Variants in PGM2L1 observed in about 807,000 individuals in gnomAD.
PGM2L1 encodes glucose 1,6-bisphosphate synthase.
Under a neutral mutation model 73.4 loss-of-function variants are expected in PGM2L1, and 35 were observed. The ratio of observed to expected loss-of-function variants is 0.48; its 90% CI spans 0.36 to 0.63. PGM2L1 has a LOEUF of 0.63. Among genes scored for constraint, PGM2L1 ranks in the 30% least tolerant of loss-of-function variants. PGM2L1 has a pLI of 0.00. For synonymous variants in PGM2L1, 225 were observed against 253.8 expected (o/e 0.89, Z 1.08); for missense variants, 570 against 742.0 (o/e 0.77, Z 2.69).
At chr11:74,377,035 C>T (rs1253661518) in intron 1 of PGM2L1, among the ~76,000 whole-genome samples, 1 of 151,902 alleles carries the variant, frequency 6.6e-6, no homozygotes, top group Non-Finnish European at 1.5e-5. Flanking sequence ...GATGAACTTA[C>T]ATTTGTATTT....
At chr11:74,396,310 T>C (rs1232214635) in intron 1 of PGM2L1, among the ~76,000 whole-genome samples, 4 of 148,806 alleles carry the variant, frequency 2.7e-5, no homozygotes, top group Non-Finnish European at 5.9e-5. Flanking sequence ...TTAGGAAAAG[T>C]ACAGTTAAAA....
chr11:74,355,318 C>A (rs1862426552), intron 5 of PGM2L1: 6 of 774,288 alleles, frequency 7.7e-6, no homozygotes, highest in Non-Finnish European at 1.4e-5. Flanking sequence ...CTTTGGGAGG[C>A]TGAGGTGGGT....
At chr11:74,360,316 G>C (rs1862538709) in intron 5 of PGM2L1, among the ~76,000 whole-genome samples, 1 of 151,682 alleles carries the variant, frequency 6.6e-6, no homozygotes, top group Non-Finnish European at 1.5e-5. Context: ...TAGGGACGGA[G>C]GGAGGGAGGT....
chr11:74,364,316 GCT>G (rs1341327285), intron 5 of PGM2L1, among the ~76,000 whole-genome samples: 3 of 152,194 alleles, frequency 2.0e-5, no homozygotes, highest in Non-Finnish European at 2.9e-5. Flanking sequence ...AGACAGGGAT[GCT>G]CTCTCTCACC....
Position 74,335,848 on chromosome 11 carries a change from G to C in PGM2L1, c.*804C>G, listed in dbSNP as rs559021843. 6.5e-6 allele frequency: 1 copy of C among 152,730 alleles called. No individual in the cohort carries two copies. Among genetic ancestry groups the C allele is most frequent in the East Asian group, 1.9e-4 (1 of 5,188 alleles). 9.5% of individuals were successfully genotyped at this position (152,730 alleles called of 1,614,324 possible). On this transcript the variant is annotated 3_prime_UTR_variant, in exon 14 of 14. Coordinates refer to ENST00000298198, the MANE Select transcript of PGM2L1 (RefSeq NM_173582.6). ...ACTTGATATAGAGGAAGCACCTACAGATTTTGGAAGATTTTCCTTAGCTAT... is the reference window on the plus strand; with the variant it reads ...ACTTGATATAGAGGAAGCACCTACACATTTTGGAAGATTTTCCTTAGCTAT...
intron 5 of PGM2L1, among the ~76,000 whole-genome samples, chr11:74,365,000 C>T (rs1361660301): frequency 1.3e-5 from 2 of 150,860 alleles, no homozygotes; most frequent in Non-Finnish European, 3.0e-5. Flanking sequence ...CAGCATGGTA[C>T]TGGTACCAAA....
chr11:74,363,866 G>A (rs759844929), intron 5 of PGM2L1, among the ~76,000 whole-genome samples: 7 of 152,106 alleles, frequency 4.6e-5, no homozygotes, highest in Non-Finnish European at 1.0e-4. Flanking sequence ...ATTTGATGAG[G>A]CCAGCATCAT....
intron 8 of PGM2L1, among the ~76,000 whole-genome samples, chr11:74,346,110 C>G (rs1565435797): frequency 6.6e-6 from 1 of 151,134 alleles, no homozygotes; most frequent in South Asian, 2.1e-4. Context: ...ACTAAAAATA[C>G]AAAATTAGCC....
chr11:74,347,437 G>C, intron 6 of PGM2L1, 100 bp from the exon 7 acceptor site: 1 of 1,011,142 alleles, frequency 9.9e-7, no homozygotes, highest in Non-Finnish European at 1.4e-6. Flanking sequence ...GATTAAATGT[G>C]ATTTAAGCCT....
intron 4 of PGM2L1, among the ~76,000 whole-genome samples, chr11:74,369,988 C>G (rs1862727518): frequency 6.6e-6 from 1 of 152,062 alleles, no homozygotes; most frequent in South Asian, 2.1e-4. Context: ...CTCAGGTGAT[C>G]CACACACCTT....
intron 1 of PGM2L1, among the ~76,000 whole-genome samples, chr11:74,395,714 A>G (rs73554648): frequency 0.032 from 4,825 of 151,490 alleles, 250 homozygotes; most frequent in African/African-American, 0.11. Flanking sequence ...ACCTCTCTTC[A>G]TTCTTTTTAT....
intron 1 of PGM2L1, among the ~76,000 whole-genome samples, chr11:74,377,496 G>T (rs11236082): frequency 0.17 from 25,360 of 152,054 alleles, 2,338 homozygotes; most frequent in East Asian, 0.29. Context: ...AAGGAGAGCA[G>T]AAGAGTATAT....
At chr11:74,361,812 A>C (rs990499974) in intron 5 of PGM2L1, among the ~76,000 whole-genome samples, 1 of 152,200 alleles carries the variant, frequency 6.6e-6, no homozygotes, top group Non-Finnish European at 1.5e-5. Flanking sequence ...TGGAAGATCA[A>C]ATGAATGAAA....
At chr11:74,395,574 T>C (rs1863161293) in intron 1 of PGM2L1, among the ~76,000 whole-genome samples, 1 of 91,938 alleles carries the variant, frequency 1.1e-5, no homozygotes, top group African/African-American at 3.4e-5. Context: ...TTTTTTTTTT[T>C]TTTTGTATTT....
chr11:74,363,820 C>T (rs1440834501), intron 5 of PGM2L1, among the ~76,000 whole-genome samples: 1 of 152,116 alleles, frequency 6.6e-6, no homozygotes, highest in Non-Finnish European at 1.5e-5. Flanking sequence ...TGAAACTATT[C>T]CAATCAATAG....
rs1392183907 is a variant in PGM2L1, at chr11:74,336,758, AG to A, written c.1767-5del. On this transcript the variant is annotated splice_polypyrimidine_tract_variant and splice_region_variant and intron_variant, in intron 13 of 13. Coordinates refer to ENST00000298198, the MANE Select transcript of PGM2L1 (RefSeq NM_173582.6). ...TTCCTCCAGTAAAGCAGTGTCACTG[AG>A]GAAAAGATGAAGAGTTTTGGAATTA... is the stretch of plus-strand genomic sequence containing the variant. 1 of 1,575,534 alleles carries A rather than the reference AG, an allele frequency of 6.3e-7. No individual in the cohort carries two copies.
chr11:74,377,344 A>G (rs1309706292), intron 1 of PGM2L1, among the ~76,000 whole-genome samples: 1 of 152,146 alleles, frequency 6.6e-6, no homozygotes, highest in African/African-American at 2.4e-5. Context: ...CGTGTTAGCC[A>G]GGATGGTCTC....
intron 1 of PGM2L1, among the ~76,000 whole-genome samples, chr11:74,385,615 A>G (rs530854727): frequency 6.6e-5 from 10 of 152,242 alleles, no homozygotes; most frequent in African/African-American, 2.2e-4. Flanking sequence ...GATAATATCT[A>G]TATTTCTGTC....
In PGM2L1 at chr11:74,374,479, A is replaced by T; in HGVS notation, c.215T>A (p.Leu72His). The change falls in exon 2 of 14, where the codon CTT becomes CAT. Residue 72 changes from leucine (L) to histidine (H), a missense_variant. Coordinates refer to ENST00000298198, the MANE Select transcript of PGM2L1 (RefSeq NM_173582.6). ...AAACCCTGCCCCCATGGCAGAACGAAGTCCTGCAGTCCCAAAAGTCATTCG... is the reference window on the plus strand; with the variant it reads ...AAACCCTGCCCCCATGGCAGAACGATGTCCTGCAGTCCCAAAAGTCATTCG... Reference protein sequence around the residue: ...CCRMTFGTAGLRSAMGAGFCY... With the variant: ...CCRMTFGTAGHRSAMGAGFCY... 1 of 1,613,980 alleles carries T rather than the reference A, an allele frequency of 6.2e-7. No individual in the cohort carries two copies. Among genetic ancestry groups the T allele is most frequent in the Non-Finnish European group, 8.5e-7 (1 of 1,179,806 alleles).
Sources: gnomAD v4.1 joint callset for allele counts (sites outside exome capture counted in the v4.1 genomes callset) on GRCh38, gnomAD v4.1.1 for gene constraint, MANE v1.5 for transcripts, NCBI Gene and HGNC (gene_info 2026-07-23, HGNC 2026-07-21) for gene names.